The following PCDHGB3 variants were observed in gnomAD, a reference collection of about 807,000 sequenced individuals.
PCDHGB3 encodes protocadherin gamma-B3.
Under a neutral mutation model 59.2 loss-of-function variants are expected in PCDHGB3, and 40 were observed. That is an observed-to-expected ratio of 0.68 (90% confidence interval 0.52 to 0.88). The LOEUF (loss-of-function observed/expected upper bound fraction) is 0.88, where lower values mean the gene tolerates loss of function less well. PCDHGB3 is among the 40% of genes least tolerant of loss of function. The pLI, the probability that PCDHGB3 is intolerant of heterozygous loss-of-function variation, is 0.00. For synonymous variants in PCDHGB3, 581 were observed against 503.6 expected (o/e 1.15, Z -2.06); for missense variants, 1,309 against 1,187.9 (o/e 1.10, Z -1.50).
At chr5:141,494,195 C>T in intron 1 of PCDHGB3, among the ~76,000 whole-genome samples, 1 of 152,188 alleles carries the variant, frequency 6.6e-6, no homozygotes, top group Non-Finnish European at 1.5e-5. Flanking sequence ...GACTTGGATG[C>T]CCCGCAAAGG....
chr5:141,419,846 G>T (rs1407937968), intron 1 of PCDHGB3: 2 of 1,614,066 alleles, frequency 1.2e-6, no homozygotes, highest in Non-Finnish European at 1.7e-6. Context: ...GCTGCACCTG[G>T]TGTTCGCAGA....
chr5:141,384,210 C>T (rs1298573358), intron 1 of PCDHGB3: 2 of 1,613,886 alleles, frequency 1.2e-6, no homozygotes, highest in South Asian at 1.1e-5. Flanking sequence ...GGGAAACTCA[C>T]ATATTCATGC....
At chr5:141,375,185 C>G in intron 1 of PCDHGB3, 1 of 1,613,948 alleles carries the variant, frequency 6.2e-7, no homozygotes, top group Non-Finnish European at 8.5e-7. Context: ...AGTAATCGCC[C>G]TTTTTCAAGT....
At chr5:141,440,887 G>C (rs1423303973) in intron 1 of PCDHGB3, 4 of 152,206 alleles carry the variant, frequency 2.6e-5, no homozygotes, top group Non-Finnish European at 5.9e-5. Context: ...TCGGCCTTCA[G>C]GAAGATGTGC....
At chr5:141,426,231 C>A in intron 1 of PCDHGB3, 1 of 158,042 alleles carries the variant, frequency 6.3e-6, no homozygotes, top group Non-Finnish European at 1.4e-5. Flanking sequence ...ATTTTAAAAG[C>A]ACTTTGTGAA....
chr5:141,468,549 C>T (rs1289802190), intron 1 of PCDHGB3: 2 of 151,940 alleles, frequency 1.3e-5, no homozygotes, highest in Non-Finnish European at 2.9e-5. Flanking sequence ...ACATATTTAA[C>T]ATTTGTGATA....
chr5:141,412,183 C>A (rs1243084028), intron 1 of PCDHGB3: 1 of 152,188 alleles, frequency 6.6e-6, no homozygotes, highest in African/African-American at 2.4e-5. Context: ...GGTATTAATG[C>A]TCTGATGAAA....
intron 1 of PCDHGB3, chr5:141,391,637 G>T (rs2092401462): frequency 1.3e-5 from 2 of 152,192 alleles, no homozygotes; most frequent in Admixed American, 6.5e-5. Flanking sequence ...TTTAGTCAGT[G>T]AAAAAACTAT....
Position 141,431,972 on chromosome 5 carries a change from G to T in PCDHGB3, c.2415+59163G>T, listed in dbSNP as rs750484866. On this transcript the variant is annotated intron_variant, in intron 1 of 3. Coordinates refer to ENST00000576222, the MANE Select transcript of PCDHGB3 (RefSeq NM_018924.5). The surrounding 1 kb of genome is among the most constrained non-coding windows in gnomAD (Gnocchi z 4.8). ...ATCTTACGGAAATTACTATAGTTTA[G>T]TCACAGACATAGTCTTGGATAGGGA... is the stretch of plus-strand genomic sequence containing the variant. The T allele has an allele frequency of 8.1e-6, 13 of 1,614,072 alleles. No homozygotes were observed. Among genetic ancestry groups the T allele is most frequent in the Non-Finnish European group, 1.1e-5 (13 of 1,180,028 alleles).
chr5:141,401,283 G>A (rs751622626), intron 1 of PCDHGB3, among the ~76,000 whole-genome samples: 2 of 152,044 alleles, frequency 1.3e-5, no homozygotes, highest in Non-Finnish European at 2.9e-5. Flanking sequence ...TGGAGGTTGC[G>A]GTGAGCCGAG....
At chr5:141,508,823 G>A (rs1445894402) in intron 3 of PCDHGB3, among the ~76,000 whole-genome samples, 1 of 151,966 alleles carries the variant, frequency 6.6e-6, no homozygotes, top group Admixed American at 6.6e-5. Flanking sequence ...GCCAGATCTG[G>A]GCCCCCCTCC....
intron 1 of PCDHGB3, chr5:141,433,110 G>T (rs1031253372): frequency 1.2e-6 from 2 of 1,614,098 alleles, no homozygotes; most frequent in East Asian, 4.5e-5. Context: ...AGCCAGGAGA[G>T]CTTTGAAAAA....
At chr5:141,459,686 C>T (rs79275885) in intron 1 of PCDHGB3, among the ~76,000 whole-genome samples, 5,534 of 152,296 alleles carry the variant, frequency 0.036, 130 homozygotes, top group South Asian at 0.077. Flanking sequence ...ATGCATAAAG[C>T]GTTCCGCTTG....
chr5:141,381,114 C>T (rs1776995401), intron 1 of PCDHGB3, among the ~76,000 whole-genome samples: 1 of 152,152 alleles, frequency 6.6e-6, no homozygotes, highest in Non-Finnish European at 1.5e-5. Context: ...CAAAGTGTTC[C>T]CTGTATTCTG....
intron 1 of PCDHGB3, chr5:141,408,720 A>G (rs1325828281): frequency 6.2e-7 from 1 of 1,611,214 alleles, no homozygotes; most frequent in African/African-American, 1.3e-5. Context: ...TATAAGATAA[A>G]CTCTAATCCT....
chr5:141,477,295 G>A lies in PCDHGB3; in HGVS notation c.2416-17512G>A, dbSNP rs1207558247. On this transcript the variant is annotated intron_variant, in intron 1 of 3. Transcript: ENST00000576222. This position sits in a 1 kb window ranked among gnomAD's most constrained non-coding sequence, Gnocchi z 4.9. ...GGCTGGTGACCTGCGAAGTTCCACC[G>A]GGTCTCCCTTTCAGCCTTACTTCTT... is the stretch of plus-strand genomic sequence containing the variant. The A allele has an allele frequency of 8.1e-6, 13 of 1,613,990 alleles. No homozygotes were observed. Among genetic ancestry groups the A allele is most frequent in the Admixed American group, 3.3e-5 (2 of 59,990 alleles).
chr5:141,488,565 C>A (rs1308485284), intron 1 of PCDHGB3, among the ~76,000 whole-genome samples: 1 of 152,174 alleles, frequency 6.6e-6, no homozygotes, highest in Non-Finnish European at 1.5e-5. Flanking sequence ...GAGATTTCCG[C>A]AAAGCATTGC....
At chr5:141,404,233 AG>A (rs2094501302) in intron 1 of PCDHGB3, 1 of 1,613,628 alleles carries the variant, frequency 6.2e-7, no homozygotes, top group African/African-American at 1.3e-5. Flanking sequence ...CAACAGACAG[AG>A]GAACTCCGCC....
Position 141,375,092 on chromosome 5 carries a change from A to G in PCDHGB3, c.2415+2283A>G, listed in dbSNP as rs775722663. On this transcript the variant is annotated intron_variant, in intron 1 of 3. Coordinates refer to ENST00000576222, the MANE Select transcript of PCDHGB3 (RefSeq NM_018924.5). ...AGACAGAGCGAAAGTCTTAATAACT[A>G]TCTTGGATGTCAATGATAATGTACC... 20 of 1,613,866 alleles carry G rather than the reference A, an allele frequency of 1.2e-5. No individual in the cohort carries two copies. In the Middle Eastern group the frequency reaches 6.6e-4, roughly 53 times the overall value.
Sources: allele counts gnomAD v4.1 joint callset (sites outside exome capture counted in the v4.1 genomes callset), GRCh38; gene constraint gnomAD v4.1.1; non-coding constraint Gnocchi (gnomAD v3.1); transcripts MANE v1.5; gene names NCBI Gene and HGNC (gene_info 2026-07-23, HGNC 2026-07-21).